WDR64: variants seen among roughly 807,000 people sequenced by gnomAD.
WDR64 encodes WD repeat domain 64.
In WDR64, 112 loss-of-function variants were observed where a neutral mutation model predicts 139.3. The ratio of observed to expected loss-of-function variants is 0.80; its 90% CI spans 0.69 to 0.94. The LOEUF (loss-of-function observed/expected upper bound fraction) is 0.94. Among genes scored for constraint, WDR64 ranks in the 40% least tolerant of loss-of-function variants. The pLI is 0.00. For missense variants in WDR64, 1,206 were observed against 1,293.1 expected, an observed-to-expected ratio of 0.93 and a Z score of 1.03; for synonymous variants, 444 against 437.7, an observed-to-expected ratio of 1.01 and a Z score of -0.18.
chr1:241,760,832 C>A (rs1280129579), intron 15 of WDR64, among the ~76,000 whole-genome samples: 1 of 140,508 alleles, frequency 7.1e-6, no homozygotes, highest in Non-Finnish European at 1.5e-5. Flanking sequence ...GTGGCGCTAT[C>A]CCGGCTCACT....
intron 1 of WDR64, 118 bp from the exon 2 acceptor site, chr1:241,660,412 T>G: frequency 7.8e-7 from 1 of 1,286,806 alleles, no homozygotes; most frequent in Non-Finnish European, 1.1e-6. Flanking sequence ...TGCAAATATA[T>G]CTGGTTTTTA....
rs558603190 is a variant in WDR64, at chr1:241,728,248, G to A, written c.1194+4812G>A. On this transcript the variant is annotated intron_variant, in intron 10 of 27. Coordinates refer to ENST00000437684, the MANE Select transcript of WDR64 (RefSeq NM_001367482.1). ...CTTGGGAGGCTGAGGCAGGAGAATC[G>A]CTTGAACCTGGGAGGTGGAGGTTGC... Among the ~76,000 whole-genome samples the A allele has an allele frequency of 1.1e-4, 16 of 152,138 alleles. No homozygotes were observed. The East Asian group carries it at 1.2e-3, about 11-fold the overall frequency.
chr1:241,749,758 C>CG (rs762505167), intron 14 of WDR64, 36 bp downstream of exon 14: 1 of 1,544,482 alleles, frequency 6.5e-7, no homozygotes, highest in Admixed American at 1.9e-5. Context: ...ACTGCAGGTG[C>CG]CCTTTTTGGG....
At chr1:241,659,680 A>C (rs546087963) in intron 1 of WDR64, among the ~76,000 whole-genome samples, 1 of 152,110 alleles carries the variant, frequency 6.6e-6, no homozygotes, top group South Asian at 2.1e-4. Context: ...GCTTTTTTTC[A>C]TATATTTGTT....
intron 12 of WDR64, among the ~76,000 whole-genome samples, chr1:241,742,364 C>A (rs1028504125): frequency 6.6e-6 from 1 of 152,258 alleles, no homozygotes; most frequent in East Asian, 1.9e-4. Flanking sequence ...GTTAGGCATT[C>A]TAAGTCACAG....
At chr1:241,772,105 T>A (rs923592128) in intron 19 of WDR64, among the ~76,000 whole-genome samples, 18 of 149,192 alleles carry the variant, frequency 1.2e-4, no homozygotes, top group African/African-American at 4.4e-4. Flanking sequence ...TCCAGAATAT[T>A]ACTGAACTTC....
intron 6 of WDR64, 73 bp downstream of exon 6, chr1:241,679,668 T>C: frequency 8.0e-7 from 1 of 1,248,536 alleles, no homozygotes; most frequent in Non-Finnish European, 1.1e-6. Context: ...AGCAATCCAC[T>C]TTCTCTATTG....
Position 241,728,250 on chromosome 1 carries a change from T to C in WDR64, c.1194+4814T>C, listed in dbSNP as rs184309133. 5.9e-3 allele frequency among the ~76,000 whole-genome samples: 903 copies of C among 152,110 alleles called. 4 individuals are homozygous for C. The highest frequency in any genetic ancestry group is 0.021 in the African/African-American group (852 of 41,468). ...TGGGAGGCTGAGGCAGGAGAATCGC[T>C]TGAACCTGGGAGGTGGAGGTTGCAG... On this transcript the variant is annotated intron_variant, in intron 10 of 27. Coordinates refer to ENST00000437684, the MANE Select transcript of WDR64 (RefSeq NM_001367482.1).
intron 8 of WDR64, among the ~76,000 whole-genome samples, chr1:241,710,682 A>C (rs1352681440): frequency 6.6e-6 from 1 of 152,162 alleles, no homozygotes; most frequent in African/African-American, 2.4e-5. Flanking sequence ...AGAGCTCAGT[A>C]TGTCCAGAAG....
intron 2 of WDR64, among the ~76,000 whole-genome samples, chr1:241,665,033 T>TGAA (rs752438290): frequency 6.6e-6 from 1 of 151,832 alleles, no homozygotes; most frequent in Admixed American, 6.6e-5. Context: ...CCTGTCTCTA[T>TGAA]GAAGAAGAAG....
chr1:241,770,327 G>T, intron 17 of WDR64: 1 of 259,502 alleles, frequency 3.9e-6, no homozygotes, highest in Non-Finnish European at 7.2e-6. Context: ...CCATTTCAGT[G>T]TAAGAGCCTC....
At chr1:241,766,166 C>A in intron 15 of WDR64, 52 bp from the exon 16 acceptor site, 1 of 1,576,726 alleles carries the variant, frequency 6.3e-7, no homozygotes, top group Non-Finnish European at 8.6e-7. Context: ...GGCGTTTGCA[C>A]CGCGAATCAT....
intron 12 of WDR64, among the ~76,000 whole-genome samples, chr1:241,743,352 T>C (rs1289822688): frequency 6.6e-6 from 1 of 152,128 alleles, no homozygotes; most frequent in African/African-American, 2.4e-5. Context: ...TTAAGAACCC[T>C]GTCTATAATC....
At chr1:241,701,259 C>T (rs1326466955) in intron 8 of WDR64, among the ~76,000 whole-genome samples, 1 of 151,162 alleles carries the variant, frequency 6.6e-6, no homozygotes, top group Non-Finnish European at 1.5e-5. Context: ...CACACACATA[C>T]ACATGCGTGC....
chr1:241,734,646 T>TG (rs1305638264), intron 10 of WDR64, among the ~76,000 whole-genome samples: 2 of 151,566 alleles, frequency 1.3e-5, no homozygotes, highest in Non-Finnish European at 2.9e-5. Context: ...CATAAGACAT[T>TG]GGGAAAAAAA....
rs185903348 is a variant in WDR64 at position 241,796,363 on chromosome 1, G to A, written c.3185G>A (p.Arg1062His). 14 of 1,609,530 alleles carry A rather than the reference G, an allele frequency of 8.7e-6. No homozygotes were observed. Among genetic ancestry groups the A allele is most frequent in the East Asian group, 4.5e-5 (2 of 44,758 alleles). The change falls in exon 27 of 28, where the codon CGT becomes CAT. Residue 1062 changes from arginine to histidine, a missense_variant. Transcript: ENST00000437684. Reference sequence around the variant, plus strand: ...AAGAAGAAGGGAGGTCATGTTCAACGTGAAAAAGTAAGTTAGTACTAATTC... The same window carrying A: ...AAGAAGAAGGGAGGTCATGTTCAACATGAAAAAGTAAGTTAGTACTAATTC... Reference protein sequence around the residue: ...TGKKKGGHVQREKAPRRRSLK... With the variant: ...TGKKKGGHVQHEKAPRRRSLK...
intron 8 of WDR64, among the ~76,000 whole-genome samples, chr1:241,701,058 T>G (rs188109620): frequency 2.6e-5 from 4 of 152,318 alleles, no homozygotes; most frequent in Admixed American, 2.6e-4. Context: ...TTGTGTTAGG[T>G]TTTAAATGAG....
chr1:241,779,962 A>G (rs376926323), intron 21 of WDR64, 42 bp from the exon 22 acceptor site: 57 of 1,474,292 alleles, frequency 3.9e-5, no homozygotes, highest in Non-Finnish European at 4.7e-5. Context: ...TTTAGATAAC[A>G]TGATATCTAA....
At chr1:241,753,608 G>A (rs1558508153) in intron 14 of WDR64, among the ~76,000 whole-genome samples, 1 of 152,132 alleles carries the variant, frequency 6.6e-6, no homozygotes, top group Non-Finnish European at 1.5e-5. Flanking sequence ...GGAGACTGAG[G>A]TGGGAGGATC....
Sources: allele counts gnomAD v4.1 joint callset (sites outside exome capture counted in the v4.1 genomes callset), GRCh38; gene constraint gnomAD v4.1.1; transcripts MANE v1.5; gene names NCBI Gene and HGNC (gene_info 2026-07-23, HGNC 2026-07-21).